The following MIGA1 variants were observed in gnomAD, a reference collection of about 807,000 sequenced individuals.
The protein encoded by MIGA1 is mitoguardin 1.
In MIGA1, 58 loss-of-function variants were observed where a neutral mutation model predicts 82.0. The observed-to-expected ratio is 0.71, with a 90% CI of 0.57 to 0.88. MIGA1 has a LOEUF of 0.88. Among genes scored for constraint, MIGA1 ranks in the 40% least tolerant of loss-of-function variants. MIGA1 has a pLI of 0.00. For synonymous variants in MIGA1, 249 were observed against 253.6 expected, an observed-to-expected ratio of 0.98 and a Z score of 0.17; for missense variants, 751 against 749.1, an observed-to-expected ratio of 1.00 and a Z score of -0.03.
At chr1:77,822,087 A>G (rs541569127) in intron 7 of MIGA1, among the ~76,000 whole-genome samples, 54 of 152,250 alleles carry the variant, frequency 3.5e-4, no homozygotes, top group African/African-American at 1.2e-3. Context: ...TGGTAGATAC[A>G]TTAATTAGCT....
intron 2 of MIGA1, among the ~76,000 whole-genome samples, chr1:77,785,651 C>G (rs1221123782): frequency 6.6e-6 from 1 of 152,120 alleles, no homozygotes; most frequent in African/African-American, 2.4e-5. Context: ...CCAGGGCAGT[C>G]AAATATTAAA....
chr1:77,847,435 C>T (rs1033692428), intron 8 of MIGA1: 50 of 1,407,992 alleles, frequency 3.6e-5, no homozygotes, highest in Non-Finnish European at 4.8e-5. Context: ...TTGCTAAAAG[C>T]AGTTGAGATC....
intron 14 of MIGA1, among the ~76,000 whole-genome samples, 169 bp from the exon 15 acceptor site, chr1:77,872,835 G>GGATT (rs1427807380): frequency 6.6e-6 from 1 of 152,198 alleles, no homozygotes; most frequent in Non-Finnish European, 1.5e-5. Context: ...TAAAGCCGGG[G>GGATT]GATTGCTTGA....
intron 7 of MIGA1, among the ~76,000 whole-genome samples, chr1:77,826,088 C>CT (rs1684019111): frequency 6.6e-6 from 1 of 152,122 alleles, no homozygotes; most frequent in Non-Finnish European, 1.5e-5. Flanking sequence ...GAGGCCTGTT[C>CT]TAAGCTGGTT....
At chr1:77,858,796 T>C in intron 8 of MIGA1, 142 bp from the exon 9 acceptor site, 1 of 544,612 alleles carries the variant, frequency 1.8e-6, no homozygotes, top group Non-Finnish European at 3.3e-6. Context: ...TTTTTTTAGA[T>C]TTTTGTAGAG....
intron 7 of MIGA1, among the ~76,000 whole-genome samples, chr1:77,838,399 G>C (rs1340592975): frequency 6.6e-6 from 1 of 151,108 alleles, no homozygotes; most frequent in Non-Finnish European, 1.5e-5. Context: ...ACCCAGGCTG[G>C]AGTGCAGCTG....
chr1:77,865,435 A>T (rs1318245144), intron 13 of MIGA1, among the ~76,000 whole-genome samples: 2 of 152,170 alleles, frequency 1.3e-5, no homozygotes, highest in Non-Finnish European at 2.9e-5. Context: ...TATAAAAAAA[A>T]TACAAAAATT....
chr1:77,857,058 G>A (rs965589932), intron 8 of MIGA1, among the ~76,000 whole-genome samples: 1 of 152,080 alleles, frequency 6.6e-6, no homozygotes, highest in African/African-American at 2.4e-5. Flanking sequence ...TATCCCAGAG[G>A]TTTTGATAGG....
chr1:77,870,871 T>TA (rs1204518414), intron 14 of MIGA1, among the ~76,000 whole-genome samples: 12 of 149,694 alleles, frequency 8.0e-5, no homozygotes, highest in African/African-American at 3.0e-4. Context: ...CACTCGCGGT[T>TA]AGGAGCTGGA....
At chr1:77,809,837 A>G (rs1477839888) in intron 5 of MIGA1, among the ~76,000 whole-genome samples, 2 of 148,604 alleles carry the variant, frequency 1.3e-5, no homozygotes, top group African/African-American at 2.5e-5. Context: ...AATGACCTGC[A>G]TATTTTCATA....
chr1:77,874,778 A>C, intron 15 of MIGA1, 68 bp from the exon 16 acceptor site: 1 of 1,090,260 alleles, frequency 9.2e-7, no homozygotes, highest in African/African-American at 1.6e-5. Context: ...GCTCATTATA[A>C]TATTAGAAGC....
chr1:77,866,492 AG>A, intron 14 of MIGA1, 101 bp downstream of exon 14: 1 of 1,055,918 alleles, frequency 9.5e-7, no homozygotes, highest in Non-Finnish European at 1.5e-6. Context: ...CAGCTGTAGG[AG>A]GGGTAGGAGG....
intron 8 of MIGA1, chr1:77,848,184 A>G (rs772424819): frequency 7.6e-6 from 11 of 1,438,718 alleles, no homozygotes; most frequent in Non-Finnish European, 1.1e-5. Context: ...GAGACCAGTC[A>G]TAGAGATTCC....
At chr1:77,851,503 A>G in intron 8 of MIGA1, among the ~76,000 whole-genome samples, 1 of 152,206 alleles carries the variant, frequency 6.6e-6, no homozygotes, top group Non-Finnish European at 1.5e-5. Context: ...CATGTTTGGG[A>G]ATTTTGTTGA....
At chr1:77,815,744 A>AT (rs1281088770) in intron 7 of MIGA1, among the ~76,000 whole-genome samples, 3 of 151,878 alleles carry the variant, frequency 2.0e-5, no homozygotes, top group Admixed American at 2.0e-4. Context: ...TTTATTTTTT[A>AT]TTTTTTTGAG....
chr1:77,856,122 A>G (rs1454190974), intron 8 of MIGA1, among the ~76,000 whole-genome samples: 1 of 152,144 alleles, frequency 6.6e-6, no homozygotes, highest in African/African-American at 2.4e-5. Context: ...GATTTTGTCA[A>G]ATGCTTTTTC....
rs1049077198 is a variant in MIGA1 at position 77,877,193 on chromosome 1, A to T, written c.*2129A>T. On this transcript the variant is annotated 3_prime_UTR_variant, in exon 16 of 16. Coordinates refer to ENST00000370791, the MANE Select transcript of MIGA1 (RefSeq NM_198549.4). ...GATTAAAGTGCCTAGTTTCTGATTAATAAATAGAAGATGAAAAAAGTGGGC... is the reference window on the plus strand; with the variant it reads ...GATTAAAGTGCCTAGTTTCTGATTATTAAATAGAAGATGAAAAAAGTGGGC... 2 of 152,240 alleles carry T rather than the reference A, an allele frequency of 1.3e-5. No homozygotes were observed. The highest frequency in any genetic ancestry group is 4.8e-5 in the African/African-American group (2 of 41,466). 9.4% of individuals were successfully genotyped at this position (152,240 alleles called of 1,614,324 possible).
intron 5 of MIGA1, chr1:77,811,437 G>T (rs1457578284): frequency 9.0e-6 from 14 of 1,557,894 alleles, no homozygotes; most frequent in Non-Finnish European, 1.1e-5. Flanking sequence ...TTCTTAATGG[G>T]ACAGGCTGAA....
At chr1:77,820,936 C>T (rs1436627289) in intron 7 of MIGA1, among the ~76,000 whole-genome samples, 1 of 151,950 alleles carries the variant, frequency 6.6e-6, no homozygotes, top group Admixed American at 6.6e-5. Context: ...GAGTTCAAGA[C>T]CAGCCTGGCC....
Sources: allele counts gnomAD v4.1 joint callset (sites outside exome capture counted in the v4.1 genomes callset), GRCh38; gene constraint gnomAD v4.1.1; transcripts MANE v1.5; gene names NCBI Gene and HGNC (gene_info 2026-07-23, HGNC 2026-07-21).